The following GRM1 variants were observed in gnomAD, a reference collection of about 807,000 sequenced individuals.
The protein encoded by GRM1 is metabotropic glutamate receptor 1.
Under a neutral mutation model 90.9 loss-of-function variants are expected in GRM1, and 33 were observed. The ratio of observed to expected loss-of-function variants is 0.36; its 90% CI spans 0.28 to 0.49. The LOEUF (loss-of-function observed/expected upper bound fraction) is 0.49. GRM1 is among the 20% of genes least tolerant of loss of function. The probability of loss-of-function intolerance (pLI) is 0.99; values close to 1 mark genes in which losing one functional copy is unlikely to be tolerated. For missense variants in GRM1, 1,190 were observed against 1,534.3 expected (o/e 0.78, Z 3.75); for synonymous variants, 700 against 613.2 (o/e 1.14, Z -2.09).
intron 2 of GRM1, among the ~76,000 whole-genome samples, chr6:146,211,672 T>A (rs1229418343): frequency 6.6e-6 from 1 of 152,222 alleles, no homozygotes; most frequent in Non-Finnish European, 1.5e-5. Context: ...CAAAAATCCA[T>A]GACTATACTT....
chr6:146,062,492 CAATAAAATAAAATAA>C (rs55760038), intron 1 of GRM1, among the ~76,000 whole-genome samples: 124 of 145,730 alleles, frequency 8.5e-4, no homozygotes, highest in African/African-American at 2.0e-3. Context: ...TAAAGTATAA[CAATAAAATAAAATAA>C]AATAAAATAA....
chr6:146,039,369 C>A (rs1791013310), intron 1 of GRM1, among the ~76,000 whole-genome samples: 1 of 151,828 alleles, frequency 6.6e-6, no homozygotes, highest in Admixed American at 6.6e-5. Context: ...TGCTCAGGGA[C>A]CTCTAAGAAT....
chr6:146,132,292 G>A (rs1324927081), intron 1 of GRM1, among the ~76,000 whole-genome samples: 2 of 152,002 alleles, frequency 1.3e-5, no homozygotes, highest in Non-Finnish European at 2.9e-5. Context: ...TGGTGGGGGG[G>A]GACCACATTG....
chr6:146,309,873 T>G (rs1252238857), intron 3 of GRM1, among the ~76,000 whole-genome samples: 2 of 152,248 alleles, frequency 1.3e-5, no homozygotes, highest in African/African-American at 4.8e-5. Context: ...TGGCAATATT[T>G]GCATACTTAA....
At chr6:146,175,485 A>G (rs1342767390) in intron 2 of GRM1, among the ~76,000 whole-genome samples, 2 of 152,218 alleles carry the variant, frequency 1.3e-5, no homozygotes, top group Non-Finnish European at 2.9e-5. Flanking sequence ...ACATGTCTAT[A>G]TAGATGGTGT....
At chr6:146,236,815 G>C (rs932719361) in intron 2 of GRM1, among the ~76,000 whole-genome samples, 2 of 152,090 alleles carry the variant, frequency 1.3e-5, no homozygotes, top group African/African-American at 2.4e-5. Flanking sequence ...CAGGGCTGCT[G>C]TTCTGTTCCT....
chr6:146,046,409 T>A (rs1791333793), intron 1 of GRM1, among the ~76,000 whole-genome samples: 1 of 152,002 alleles, frequency 6.6e-6, no homozygotes, highest in African/African-American at 2.4e-5. Flanking sequence ...AGCTAGTTAC[T>A]ACAAGATGCA....
chr6:146,124,900 T>C (rs1165168058), intron 1 of GRM1, among the ~76,000 whole-genome samples: 5 of 152,148 alleles, frequency 3.3e-5, no homozygotes, highest in Non-Finnish European at 7.4e-5. Flanking sequence ...TTTCTTGAAA[T>C]ATGAAAATTT....
intron 2 of GRM1, among the ~76,000 whole-genome samples, chr6:146,276,039 T>G (rs950856853): frequency 1.3e-5 from 2 of 152,096 alleles, no homozygotes; most frequent in African/African-American, 4.8e-5. Flanking sequence ...TCATTAATGT[T>G]ATATCAAGCA....
At chr6:146,266,680 T>G (rs1316392526) in intron 2 of GRM1, among the ~76,000 whole-genome samples, 2 of 152,232 alleles carry the variant, frequency 1.3e-5, no homozygotes, top group Non-Finnish European at 2.9e-5. Flanking sequence ...TTGTTCAAAC[T>G]TGGTAACTTT....
At chr6:146,035,837 A>G (rs1234516157) in intron 1 of GRM1, among the ~76,000 whole-genome samples, 1 of 151,972 alleles carries the variant, frequency 6.6e-6, no homozygotes, top group Admixed American at 6.6e-5. Flanking sequence ...GTCATTAATC[A>G]GTATTTAGCA....
chr6:146,313,211 C>A (rs1783836334), intron 3 of GRM1, among the ~76,000 whole-genome samples: 1 of 152,100 alleles, frequency 6.6e-6, no homozygotes, highest in Non-Finnish European at 1.5e-5. Context: ...ACTATGCCTG[C>A]AAACCAGTTA....
intron 3 of GRM1, among the ~76,000 whole-genome samples, chr6:146,305,750 A>G (rs1467925416): frequency 1.3e-5 from 2 of 152,222 alleles, no homozygotes; most frequent in Non-Finnish European, 2.9e-5. Flanking sequence ...CTACGCAGAT[A>G]TTATTTATAA....
chr6:146,127,343 A>G lies in GRM1; in HGVS notation c.701-32005A>G, dbSNP rs142338590. Among the ~76,000 whole-genome samples the G allele has an allele frequency of 5.5e-3, 833 of 152,296 alleles. 3 individuals are homozygous for G. Among genetic ancestry groups the G allele is most frequent in the Admixed American group, 8.1e-3 (124 of 15,294 alleles). On this transcript the variant is annotated intron_variant, in intron 1 of 7. Coordinates refer to ENST00000282753, the MANE Select transcript of GRM1 (RefSeq NM_001278064.2). Reference sequence around the variant, plus strand: ...TATTAATAGAGAATGATTGGCAAATATTCAGAAATCAGAAAAGGCAGTATA... The same window carrying G: ...TATTAATAGAGAATGATTGGCAAATGTTCAGAAATCAGAAAAGGCAGTATA...
At chr6:146,225,087 C>T (rs752352813) in intron 2 of GRM1, among the ~76,000 whole-genome samples, 2 of 152,080 alleles carry the variant, frequency 1.3e-5, no homozygotes, top group Non-Finnish European at 2.9e-5. Flanking sequence ...CTAGGTAGCA[C>T]TTGTGGGAAG....
chr6:146,120,671 C>A (rs372234717), intron 1 of GRM1, among the ~76,000 whole-genome samples: 1 of 152,124 alleles, frequency 6.6e-6, no homozygotes, highest in East Asian at 1.9e-4. Flanking sequence ...TTGTCAAAGG[C>A]CTTTTCTGCA....
chr6:146,311,856 T>TCAAAC (rs1783784298), intron 3 of GRM1, among the ~76,000 whole-genome samples: 1 of 152,208 alleles, frequency 6.6e-6, no homozygotes, highest in South Asian at 2.1e-4. Flanking sequence ...ATTGATCATA[T>TCAAAC]GATTTTTCCT....
intron 1 of GRM1, among the ~76,000 whole-genome samples, chr6:146,129,027 CACTTTTCCTCCCTG>C (rs1463914493): frequency 6.6e-6 from 1 of 152,120 alleles, no homozygotes; most frequent in Admixed American, 6.6e-5. Context: ...TGATTTCGGT[CACTTTTCCTCCCTG>C]ATATTTTCCG....
At chr6:146,349,780 T>A (rs1562629272) in intron 3 of GRM1, among the ~76,000 whole-genome samples, 1 of 152,182 alleles carries the variant, frequency 6.6e-6, no homozygotes, top group Non-Finnish European at 1.5e-5. Flanking sequence ...CCTTAAAAAA[T>A]TACATAACTG....
Sources: allele counts gnomAD v4.1 joint callset (sites outside exome capture counted in the v4.1 genomes callset), GRCh38; gene constraint gnomAD v4.1.1; transcripts MANE v1.5; gene names NCBI Gene and HGNC (gene_info 2026-07-23, HGNC 2026-07-21).